The following ANKFN1 variants were observed in gnomAD, a reference collection of about 807,000 sequenced individuals.
ANKFN1 encodes the protein ankyrin repeat and fibronectin type III domain containing 1.
Under a neutral mutation model 108.7 loss-of-function variants are expected in ANKFN1, and 74 were observed. The ratio of observed to expected loss-of-function variants is 0.68; its 90% CI spans 0.56 to 0.83. The LOEUF (loss-of-function observed/expected upper bound fraction) is 0.83, where lower values mean the gene tolerates loss of function less well. Among genes scored for constraint, ANKFN1 ranks in the 40% least tolerant of loss-of-function variants. ANKFN1 has a pLI of 0.00. For synonymous variants in ANKFN1, 547 were observed against 516.2 expected, an observed-to-expected ratio of 1.06 and a Z score of -0.81; for missense variants, 1,505 against 1,382.3, an observed-to-expected ratio of 1.09 and a Z score of -1.41.
rs2051716986 is a variant in ANKFN1, at chr17:56,510,622, C to T, written c.2794C>T (p.Leu932=). 3.9e-6 allele frequency: 6 copies of T among 1,536,074 alleles called. No individual in the cohort carries two copies. Among genetic ancestry groups the T allele is most frequent in the East Asian group, 2.4e-5 (1 of 40,926 alleles). The stretch of plus-strand genomic sequence containing the variant: ...CATTGCGCAGCAGACCCTTAGCGGC[C>T]TAAGCGGCAGCGCCCCCGACGTCCT... ...HDIAQQTLSG[L]SGSAPDVLQV... The change falls in exon 21 of 21, where the codon CTA becomes TTA. Residue 932 remains leucine, a synonymous_variant. Coordinates refer to ENST00000682825, the MANE Select transcript of ANKFN1 (RefSeq NM_001370326.1).
intron 18 of ANKFN1, among the ~76,000 whole-genome samples, chr17:56,484,597 T>G (rs559999802): frequency 2.6e-5 from 4 of 152,228 alleles, no homozygotes; most frequent in African/African-American, 9.6e-5. Flanking sequence ...AGGTGCTAAG[T>G]CAACATCCAA....
chr17:56,448,238 A>G (rs2053460387), intron 10 of ANKFN1, among the ~76,000 whole-genome samples: 1 of 152,144 alleles, frequency 6.6e-6, no homozygotes, highest in Admixed American at 6.6e-5. Context: ...GAAAGAAAAT[A>G]GAAGGAAGAA....
intron 4 of ANKFN1, among the ~76,000 whole-genome samples, chr17:56,065,077 C>T (rs1395999951): frequency 1.3e-5 from 2 of 152,122 alleles, no homozygotes; most frequent in East Asian, 1.9e-4. Context: ...ACCTGGATGC[C>T]TTCATTGGTG....
intron 4 of ANKFN1, among the ~76,000 whole-genome samples, chr17:56,146,085 G>T (rs888679788): frequency 4.6e-5 from 7 of 152,346 alleles, no homozygotes; most frequent in Admixed American, 4.6e-4. Context: ...CCCCATGCAA[G>T]TCCAAAATCC....
intron 3 of ANKFN1, among the ~76,000 whole-genome samples, chr17:56,273,690 T>A (rs1264406364): frequency 6.6e-6 from 1 of 152,204 alleles, no homozygotes; most frequent in Non-Finnish European, 1.5e-5. Context: ...AGTATAAAAA[T>A]GTTTAAGTTC....
chr17:56,093,262 CAA>C (rs1006201902), intron 4 of ANKFN1, among the ~76,000 whole-genome samples: 2 of 150,958 alleles, frequency 1.3e-5, no homozygotes, highest in Non-Finnish European at 3.0e-5. Context: ...CCTTCTAGCA[CAA>C]AGAGTTCAGC....
At chr17:56,288,669 G>GA (rs954447722) in intron 3 of ANKFN1, among the ~76,000 whole-genome samples, 21 of 152,016 alleles carry the variant, frequency 1.4e-4, no homozygotes, top group Non-Finnish European at 1.5e-5. Context: ...AATAACCATG[G>GA]AAAAATGCTA....
intron 4 of ANKFN1, among the ~76,000 whole-genome samples, chr17:56,115,406 T>C (rs1906207177): frequency 6.6e-6 from 1 of 152,170 alleles, no homozygotes; most frequent in Non-Finnish European, 1.5e-5. Flanking sequence ...AAGAAGCAAG[T>C]TGGAGAATAT....
At chr17:56,501,968 CA>C (rs1279218599) in intron 20 of ANKFN1, among the ~76,000 whole-genome samples, 2 of 152,050 alleles carry the variant, frequency 1.3e-5, no homozygotes, top group African/African-American at 4.8e-5. Flanking sequence ...AGAAGCTAAT[CA>C]GGGATTAAAT....
chr17:56,477,077 T>C (rs1417451614), intron 15 of ANKFN1, among the ~76,000 whole-genome samples: 3 of 152,202 alleles, frequency 2.0e-5, no homozygotes, highest in African/African-American at 7.2e-5. Context: ...ATTACAACGC[T>C]TCCTTAACTG....
chr17:56,189,860 T>A (rs540510098), intron 1 of ANKFN1, among the ~76,000 whole-genome samples: 2 of 152,156 alleles, frequency 1.3e-5, no homozygotes, highest in African/African-American at 4.8e-5. Flanking sequence ...GTGGTTTCAA[T>A]GGAACAAAAT....
intron 14 of ANKFN1, among the ~76,000 whole-genome samples, chr17:56,458,267 TAGTC>T (rs888683194): frequency 6.6e-6 from 1 of 152,108 alleles, no homozygotes; most frequent in Non-Finnish European, 1.5e-5. Context: ...GATTTGATAT[TAGTC>T]AGCCGACTCA....
intron 2 of ANKFN1, among the ~76,000 whole-genome samples, chr17:56,215,120 G>C (rs534876813): frequency 1.3e-5 from 2 of 152,274 alleles, no homozygotes; most frequent in East Asian, 3.9e-4. Flanking sequence ...CCTGCCTCTG[G>C]TATAGAGTCA....
At chr17:56,095,593 C>T (rs1180821809) in intron 4 of ANKFN1, among the ~76,000 whole-genome samples, 1 of 141,380 alleles carries the variant, frequency 7.1e-6, no homozygotes, top group African/African-American at 2.6e-5. Context: ...AGAGCCATCA[C>T]ATCTGGTCTG....
intron 3 of ANKFN1, among the ~76,000 whole-genome samples, chr17:56,247,608 A>G (rs1918050036): frequency 6.6e-6 from 1 of 152,152 alleles, no homozygotes; most frequent in Non-Finnish European, 1.5e-5. Context: ...ACACCACAAA[A>G]TAAGGATTAC....
chr17:56,388,469 G>A (rs2047337836), intron 8 of ANKFN1, among the ~76,000 whole-genome samples: 1 of 152,072 alleles, frequency 6.6e-6, no homozygotes, highest in Admixed American at 6.6e-5. Flanking sequence ...TGCAATTATA[G>A]CTACAAAAGA....
chr17:56,137,704 C>T (rs1598127855), intron 4 of ANKFN1, among the ~76,000 whole-genome samples: 2 of 152,144 alleles, frequency 1.3e-5, no homozygotes, highest in South Asian at 2.1e-4. Context: ...ATCAAAAGTT[C>T]TGTTTTGGTG....
At chr17:56,352,765 C>T (rs1264638445) in intron 5 of ANKFN1, among the ~76,000 whole-genome samples, 3 of 152,130 alleles carry the variant, frequency 2.0e-5, no homozygotes, top group Admixed American at 1.3e-4. Flanking sequence ...CATCTCAGGG[C>T]TCAGAAACTA....
At position 56,193,589 on chromosome 17, in the gene ANKFN1, A is replaced by C. The variant is rs890992691; in HGVS notation, c.-70-19009A>C. On this transcript the variant is annotated intron_variant, in intron 1 of 20. Transcript: ENST00000682825. The stretch of plus-strand genomic sequence containing the variant: ...TTTATTTGTAGCGTTTTAAAAAAAA[A>C]AAAAAGAATCTAGACACAGACCTTA... Among the ~76,000 whole-genome samples, 4 of 152,220 alleles carry C rather than the reference A, an allele frequency of 2.6e-5. No individual in the cohort carries two copies. The South Asian group carries it at 8.3e-4, about 32-fold the overall frequency.
Sources: gnomAD v4.1 joint callset for allele counts (sites outside exome capture counted in the v4.1 genomes callset) on GRCh38, gnomAD v4.1.1 for gene constraint, MANE v1.5 for transcripts, NCBI Gene and HGNC (gene_info 2026-07-23, HGNC 2026-07-21) for gene names.